Variants in PCLO observed in about 807,000 individuals in gnomAD.
The protein encoded by PCLO is protein piccolo.
In PCLO, 82 loss-of-function variants were observed where a neutral mutation model predicts 427.5. That is an observed-to-expected ratio of 0.19 (90% CI 0.16 to 0.23). The LOEUF is 0.23. Ranked by LOEUF, PCLO falls within the 10% of genes least tolerant of loss-of-function variation. The pLI, the probability that PCLO is intolerant of heterozygous loss-of-function variation, is 1.00. For missense variants in PCLO, 6,239 were observed against 6,115.9 expected, an observed-to-expected ratio of 1.02 and a Z score of -0.67; for synonymous variants, 2,357 against 2,155.4, an observed-to-expected ratio of 1.09 and a Z score of -2.59.
At chr7:82,891,177 C>CAGTGTTGGAAATTCCA (rs1793755904) in intron 9 of PCLO, among the ~76,000 whole-genome samples, 1 of 152,036 alleles carries the variant, frequency 6.6e-6, no homozygotes, top group Non-Finnish European at 1.5e-5. Context: ...CACATATTGC[C>CAGTGTTGGAAATTCCA]AGTGTTGGAA....
At chr7:82,982,799 T>C (rs182253469) in intron 3 of PCLO, among the ~76,000 whole-genome samples, 37 of 152,112 alleles carry the variant, frequency 2.4e-4, no homozygotes, top group African/African-American at 8.9e-4. Flanking sequence ...TCTGGTACAA[T>C]CTATGAAATT....
intron 3 of PCLO, among the ~76,000 whole-genome samples, chr7:83,094,210 C>CTTTTTTT (rs767490139): frequency 1.6e-5 from 2 of 126,020 alleles, no homozygotes; most frequent in Non-Finnish European, 3.2e-5. Context: ...ATTTTTTTTT[C>CTTTTTTT]TTTTTTTTTT....
intron 3 of PCLO, among the ~76,000 whole-genome samples, chr7:83,123,956 CAAAAAAAAAAAAAA>C (rs71074625): frequency 1.7e-4 from 5 of 29,060 alleles, no homozygotes; most frequent in African/African-American, 8.5e-4. Flanking sequence ...AACTCTGTCT[CAAAAAAAAAAAAAA>C]AAAAAAAAAA....
chr7:83,141,336 G>T (rs1055057062), intron 2 of PCLO, among the ~76,000 whole-genome samples: 8 of 152,148 alleles, frequency 5.3e-5, no homozygotes, highest in Admixed American at 3.3e-4. Flanking sequence ...GACTTTATAT[G>T]ACAAATAAGG....
intron 3 of PCLO, among the ~76,000 whole-genome samples, chr7:83,007,024 A>G (rs1029908134): frequency 2.6e-5 from 4 of 151,438 alleles, no homozygotes; most frequent in Non-Finnish European, 1.5e-5. Flanking sequence ...TAGAATATAA[A>G]CGTCACAAGG....
chr7:83,118,699 C>G (rs1791197288), intron 3 of PCLO, among the ~76,000 whole-genome samples: 1 of 152,146 alleles, frequency 6.6e-6, no homozygotes, highest in Admixed American at 6.5e-5. Flanking sequence ...GCAGTAGGAA[C>G]TTGAGTTCTT....
At chr7:83,018,494 T>G (rs911431116) in intron 3 of PCLO, among the ~76,000 whole-genome samples, 7 of 151,990 alleles carry the variant, frequency 4.6e-5, no homozygotes, top group Non-Finnish European at 5.9e-5. Flanking sequence ...AATATCGAAT[T>G]TTGATATTCT....
chr7:82,920,284 G>T (rs1295510217), intron 6 of PCLO, among the ~76,000 whole-genome samples: 1 of 151,634 alleles, frequency 6.6e-6, no homozygotes, highest in Non-Finnish European at 1.5e-5. Flanking sequence ...GATTAAAGAT[G>T]ATGTAGCTGG....
At chr7:83,096,911 C>A (rs185518216) in intron 3 of PCLO, among the ~76,000 whole-genome samples, 413 of 19,274 alleles carry the variant, frequency 0.021, 2 homozygotes, top group East Asian at 0.042. Context: ...ATTATATTAT[C>A]TAAATATATA....
intron 3 of PCLO, among the ~76,000 whole-genome samples, chr7:83,118,975 TA>T (rs958598669): frequency 6.6e-6 from 1 of 151,634 alleles, no homozygotes; most frequent in South Asian, 2.1e-4. Flanking sequence ...GAGGGAAATA[TA>T]AAAAAAAATT....
Position 82,949,425 on chromosome 7 carries a change from CAT to C in PCLO, c.11112+49_11112+50del, listed in dbSNP as rs2116415106. 8.0e-6 allele frequency: 11 copies of C among 1,382,344 alleles called. No homozygotes were observed. The South Asian group carries it at 1.5e-4, about 19-fold the overall frequency. The allele number at this position is 1,382,344 out of a possible 1,614,324, so 85.6% of individuals were successfully genotyped here. ...ATCGCCTCCTAAAAGTCTGAAAACA[CAT>C]GATTAATAACTCATCCATTGCCTTC... On this transcript the variant is annotated intron_variant, in intron 6 of 24. Coordinates refer to ENST00000333891, the MANE Select transcript of PCLO (RefSeq NM_033026.6).
In PCLO at chr7:82,966,255, T is replaced by G; in HGVS notation, c.3533A>C (p.Glu1178Ala). 6.2e-7 allele frequency: 1 copy of G among 1,612,118 alleles called. No homozygotes were observed. ...AGGAATTTTTTCCATTGATAGTGTT[T>G]CCTTTACTTTTTCCAGAATGACTTT... is the stretch of plus-strand genomic sequence containing the variant. ...AEKVILEKVK[E>A]TLSMEKIPPM... The change falls in exon 4 of 25, where the codon GAA becomes GCA. Residue 1178 changes from glutamate (E) to alanine (A), a missense_variant. Around this residue, in one of 5 missense-constraint regions of PCLO, gnomAD observed 4,677 missense variants for 4,468.4 expected, o/e 1.05. Transcript: ENST00000333891.
chr7:83,155,604 G>A lies in PCLO; in HGVS notation c.1037C>T (p.Pro346Leu), dbSNP rs1199773019. 1 of 1,612,688 alleles carries A rather than the reference G, an allele frequency of 6.2e-7. No homozygotes were observed. Among genetic ancestry groups the A allele is most frequent in the Admixed American group, 1.7e-5 (1 of 59,808 alleles). Residue 346 changes from proline (P) to leucine (L), a missense_variant, in exon 2 of 25, where the codon CCA becomes CTA. By Grantham distance (98) the Pro-to-Leu change is moderately conservative (BLOSUM62 -3). Around this residue, in one of 5 missense-constraint regions of PCLO, gnomAD observed 4,677 missense variants for 4,468.4 expected, o/e 1.05. Coordinates refer to ENST00000333891, the MANE Select transcript of PCLO (RefSeq NM_033026.6). ...SGLTKPLAQQ[P>L]GTVKPPVQPP... ...CTGGACTGGGGGTTTCACTGTCCCT[G>A]GTTGTTGAGCCAATGGCTTTGTTAG...
At chr7:82,785,403 A>T (rs562259159) in intron 22 of PCLO, among the ~76,000 whole-genome samples, 32 of 152,256 alleles carry the variant, frequency 2.1e-4, no homozygotes, top group African/African-American at 7.5e-4. Context: ...CCTGGTTTCT[A>T]ACAGGCCACA....
intron 16 of PCLO, among the ~76,000 whole-genome samples, chr7:82,834,031 T>C (rs917792165): frequency 3.6e-4 from 55 of 152,216 alleles, no homozygotes; most frequent in African/African-American, 1.1e-3. Context: ...CCCTCTTACA[T>C]TGACAATTCT....
Position 83,035,729 on chromosome 7 carries a change from T to G in PCLO, c.3301-69242A>C, listed in dbSNP as rs1393933807. Among the ~76,000 whole-genome samples, 5 of 152,180 alleles carry G rather than the reference T, an allele frequency of 3.3e-5. No homozygotes were observed. The East Asian group carries it at 9.6e-4, about 29-fold the overall frequency. On this transcript the variant is annotated intron_variant, in intron 3 of 24. Coordinates refer to ENST00000333891, the MANE Select transcript of PCLO (RefSeq NM_033026.6). Reference sequence around the variant, plus strand: ...TTTTTTAACCTTTTGAAAATTATAATTCAGAAATACCAATTCTTATGCTAA... The same window carrying G: ...TTTTTTAACCTTTTGAAAATTATAAGTCAGAAATACCAATTCTTATGCTAA...
intron 6 of PCLO, among the ~76,000 whole-genome samples, chr7:82,930,263 T>C (rs1290393871): frequency 6.6e-6 from 1 of 152,036 alleles, no homozygotes; most frequent in Non-Finnish European, 1.5e-5. Context: ...GGACCTACAA[T>C]GTCTACTGCA....
At chr7:82,941,981 C>G (rs1795097312) in intron 6 of PCLO, among the ~76,000 whole-genome samples, 1 of 152,244 alleles carries the variant, frequency 6.6e-6, no homozygotes, top group African/African-American at 2.4e-5. Context: ...GAGTTCAAGA[C>G]TAGCCTGGCC....
Position 83,103,348 on chromosome 7 carries a change from T to TG in PCLO, c.3300+30901dup, listed in dbSNP as rs1186513688. Among the ~76,000 whole-genome samples, 5 of 151,892 alleles carry TG rather than the reference T, an allele frequency of 3.3e-5. No homozygotes were observed. In the East Asian group the frequency reaches 5.8e-4, roughly 18 times the overall value. ...TCCATGAGCTTCGTAGGGCTAGTAA[T>TG]GGGGGGTAAAGTGCTTACAACAGTG... On this transcript the variant is annotated intron_variant, in intron 3 of 24. Coordinates refer to ENST00000333891, the MANE Select transcript of PCLO (RefSeq NM_033026.6).
Sources: gnomAD v4.1 joint callset for allele counts (sites outside exome capture counted in the v4.1 genomes callset) on GRCh38, gnomAD v4.1.1 for gene constraint, gnomAD v4.1.1 regional missense constraint, MANE v1.5 for transcripts, NCBI Gene and HGNC (gene_info 2026-07-23, HGNC 2026-07-21) for gene names.